Variants in MBP observed in about 807,000 individuals in gnomAD.
MBP encodes the protein myelin basic protein, also known as Golli-MBP.
MBP carries 16 observed loss-of-function variants against 35.8 expected under a neutral mutation model. That is an observed-to-expected ratio of 0.45 (90% CI 0.30 to 0.68). The LOEUF (loss-of-function observed/expected upper bound fraction) is 0.68. MBP is among the 30% of genes least tolerant of loss of function. The probability of loss-of-function intolerance (pLI) is 0.08; values close to 1 mark genes in which losing one functional copy is unlikely to be tolerated. For synonymous variants in MBP, 143 were observed against 159.6 expected (o/e 0.90, Z 0.78); for missense variants, 380 against 404.7 (o/e 0.94, Z 0.52).
chr18:77,010,150 G>A, intron 4 of MBP: 1 of 577,402 alleles, frequency 1.7e-6, no homozygotes. Context: ...CAGAGGGCAG[G>A]CATGCGCCCT....
intron 2 of MBP, among the ~76,000 whole-genome samples, chr18:77,098,547 G>C (rs1416159678): frequency 2.0e-5 from 3 of 152,242 alleles, no homozygotes; most frequent in African/African-American, 7.2e-5. Context: ...CATTTGGAAA[G>C]AGCACGATCG....
intron 1 of MBP, among the ~76,000 whole-genome samples, chr18:77,130,132 T>C (rs1055079908): frequency 4.6e-5 from 7 of 151,914 alleles, no homozygotes; most frequent in African/African-American, 9.7e-5. Context: ...AAGGAGAAGA[T>C]GATGAACAAA....
Position 76,980,379 on chromosome 18 carries a change from C to T in MBP, c.*48G>A, listed in dbSNP as rs778445201. 4.5e-6 allele frequency: 7 copies of T among 1,552,112 alleles called. No homozygotes were observed. Among genetic ancestry groups the T allele is most frequent in the South Asian group, 2.2e-5 (2 of 89,768 alleles). On this transcript the variant is annotated 3_prime_UTR_variant, in exon 9 of 9. Coordinates refer to ENST00000355994, the MANE Select transcript of MBP (RefSeq NM_001025101.2). ...GGCAAGTGGGATTAAAGTTTTAAGG[C>T]AGTTATATTAAGAAGCTGAGGACAG...
At chr18:77,018,506 CATCT>C (rs754069300) in intron 3 of MBP, among the ~76,000 whole-genome samples, 4 of 150,044 alleles carry the variant, frequency 2.7e-5, no homozygotes, top group African/African-American at 7.5e-5. Flanking sequence ...CCCATCCATC[CATCT>C]ATCCATCCAT....
intron 1 of MBP, among the ~76,000 whole-genome samples, chr18:77,106,900 AT>A (rs1264893162): frequency 6.6e-6 from 1 of 152,204 alleles, no homozygotes; most frequent in African/African-American, 2.4e-5. Context: ...TCATTGGGAA[AT>A]GAGGGTTTGT....
At chr18:77,051,701 C>T (rs1973495180) in intron 3 of MBP, among the ~76,000 whole-genome samples, 1 of 152,144 alleles carries the variant, frequency 6.6e-6, no homozygotes, top group African/African-American at 2.4e-5. Flanking sequence ...TCAAATTTAA[C>T]ACCTTCCAGG....
intron 1 of MBP, among the ~76,000 whole-genome samples, chr18:77,119,956 G>A (rs774123170): frequency 3.9e-5 from 6 of 152,208 alleles, no homozygotes; most frequent in Non-Finnish European, 5.9e-5. Context: ...CGCAGTGGGA[G>A]CAGCTGCAGT....
intron 1 of MBP, chr18:77,127,186 T>C (rs927193922): frequency 6.6e-6 from 1 of 152,188 alleles, no homozygotes; most frequent in African/African-American, 2.4e-5. Context: ...GACTGACATA[T>C]AGACTAATGG....
intron 1 of MBP, among the ~76,000 whole-genome samples, chr18:77,128,480 C>T (rs1977130674): frequency 6.6e-6 from 1 of 151,616 alleles, no homozygotes; most frequent in Non-Finnish European, 1.5e-5. Flanking sequence ...CATGGTTCTA[C>T]ATGGGTGATA....
intron 2 of MBP, among the ~76,000 whole-genome samples, chr18:77,077,266 G>A (rs111444935): frequency 2.7e-5 from 4 of 148,496 alleles, no homozygotes; most frequent in Non-Finnish European, 4.4e-5. Context: ...GGAGGCTGAG[G>A]CAGGAGAATT....
intron 2 of MBP, among the ~76,000 whole-genome samples, chr18:77,071,138 A>C (rs1169677352): frequency 6.6e-6 from 1 of 152,232 alleles, no homozygotes; most frequent in Non-Finnish European, 1.5e-5. Context: ...GTGAGAGAGG[A>C]AAACACTTGC....
At chr18:77,116,876 A>AT (rs1248057443) in intron 1 of MBP, among the ~76,000 whole-genome samples, 1 of 151,732 alleles carries the variant, frequency 6.6e-6, no homozygotes, top group Non-Finnish European at 1.5e-5. Context: ...CAAAAAAAAA[A>AT]CAAAACAAAC....
intron 4 of MBP, chr18:77,010,147 C>T (rs919393799): frequency 6.6e-5 from 38 of 577,328 alleles, no homozygotes; most frequent in Admixed American, 5.9e-4. Context: ...GGTCAGAGGG[C>T]AGGCATGCGC....
intron 2 of MBP, among the ~76,000 whole-genome samples, chr18:77,096,377 T>G (rs185604910): frequency 1.1e-4 from 16 of 152,344 alleles, no homozygotes; most frequent in African/African-American, 3.8e-4. Context: ...TGGAGCAGAT[T>G]CTGCAGGGGG....
chr18:77,028,852 GTGAT>G (rs1284909552), intron 3 of MBP, among the ~76,000 whole-genome samples: 5 of 94,610 alleles, frequency 5.3e-5, no homozygotes, highest in Non-Finnish European at 9.4e-5. Flanking sequence ...CTTCCCAGAT[GTGAT>G]GGCGGCCGGG....
chr18:76,992,724 C>A (rs1466282701), intron 4 of MBP, among the ~76,000 whole-genome samples: 1 of 152,182 alleles, frequency 6.6e-6, no homozygotes, highest in Non-Finnish European at 1.5e-5. Flanking sequence ...CCCTTGCCTG[C>A]AGCAGGAGCC....
upstream of MBP, among the ~76,000 whole-genome samples, chr18:77,133,216 G>A (rs1254596237): frequency 1.3e-5 from 2 of 152,206 alleles, no homozygotes; most frequent in Non-Finnish European, 2.9e-5. Context: ...CAGGAGGAGA[G>A]TCAGCCCGGC....
At chr18:77,065,989 C>G in intron 3 of MBP, 1 of 279,422 alleles carries the variant, frequency 3.6e-6, no homozygotes, top group Admixed American at 4.7e-5. Context: ...TCCCAAGTAT[C>G]TGGGGCCACG....
intron 4 of MBP, among the ~76,000 whole-genome samples, chr18:77,009,624 T>A (rs961728031): frequency 6.6e-5 from 10 of 152,190 alleles, no homozygotes; most frequent in Non-Finnish European, 1.2e-4. Context: ...CTCCAAGGAT[T>A]CAAAGGCAGG....
Sources: gnomAD v4.1 joint callset for allele counts (sites outside exome capture counted in the v4.1 genomes callset) on GRCh38, gnomAD v4.1.1 for gene constraint, MANE v1.5 for transcripts, NCBI Gene and HGNC (gene_info 2026-07-23, HGNC 2026-07-21) for gene names.